TANC2: variants seen among roughly 807,000 people sequenced by gnomAD.
TANC2 encodes tetratricopeptide repeat, ankyrin repeat and coiled-coil containing 2.
Under a neutral mutation model 210.5 loss-of-function variants are expected in TANC2, and 26 were observed. That is an observed-to-expected ratio of 0.12 (90% CI 0.09 to 0.17). The LOEUF is 0.17. Ranked by LOEUF, TANC2 falls within the 10% of genes least tolerant of loss-of-function variation. The pLI is 1.00. For missense variants in TANC2, 2,129 were observed against 2,608.9 expected (o/e 0.82, Z 4.01); for synonymous variants, 931 against 967.1 (o/e 0.96, Z 0.69).
At chr17:63,118,412 C>T (rs969227817) in intron 4 of TANC2, among the ~76,000 whole-genome samples, 2 of 152,064 alleles carry the variant, frequency 1.3e-5, no homozygotes, top group Non-Finnish European at 2.9e-5. Flanking sequence ...ACTGACTTTT[C>T]TTAAAAGACT....
intron 5 of TANC2, among the ~76,000 whole-genome samples, chr17:63,164,446 G>A (rs988985146): frequency 2.6e-5 from 4 of 152,120 alleles, no homozygotes; most frequent in Non-Finnish European, 5.9e-5. Flanking sequence ...GGAAACTGAA[G>A]CTATAACTGC....
intron 2 of TANC2, among the ~76,000 whole-genome samples, chr17:63,040,709 C>A (rs961240605): frequency 2.0e-5 from 3 of 152,018 alleles, no homozygotes; most frequent in Non-Finnish European, 4.4e-5. Context: ...TTAAGTTATG[C>A]AGCATTTATC....
At chr17:63,119,444 TGTTA>T (rs2038377463) in intron 4 of TANC2, among the ~76,000 whole-genome samples, 1 of 152,234 alleles carries the variant, frequency 6.6e-6, no homozygotes, top group Non-Finnish European at 1.5e-5. Flanking sequence ...AGAATTAATA[TGTTA>T]AGGGATAATG....
intron 8 of TANC2, among the ~76,000 whole-genome samples, chr17:63,245,710 C>T (rs2146112679): frequency 6.6e-6 from 1 of 152,062 alleles, no homozygotes; most frequent in Middle Eastern, 3.4e-3. Context: ...GGCGTGGTGG[C>T]AGGGGCCTGT....
At chr17:62,980,610 C>T (rs915555145) in intron 1 of TANC2, among the ~76,000 whole-genome samples, 64 of 152,266 alleles carry the variant, frequency 4.2e-4, no homozygotes, top group African/African-American at 1.2e-3. Flanking sequence ...TTTATCTTAG[C>T]CATTCAACTC....
At chr17:63,184,996 G>T (rs1423485964) in intron 5 of TANC2, among the ~76,000 whole-genome samples, 5 of 150,550 alleles carry the variant, frequency 3.3e-5, no homozygotes, top group Admixed American at 6.6e-5. Context: ...TTGGAGGGGG[G>T]GTTGGGGACA....
chr17:63,265,331 C>G (rs1157626402), intron 8 of TANC2, among the ~76,000 whole-genome samples: 2 of 152,070 alleles, frequency 1.3e-5, no homozygotes, highest in African/African-American at 4.8e-5. Flanking sequence ...ACTTCTAGTC[C>G]CAGGTATTTC....
At chr17:62,984,686 TA>T (rs1331077391) in intron 1 of TANC2, among the ~76,000 whole-genome samples, 2 of 152,318 alleles carry the variant, frequency 1.3e-5, no homozygotes, top group African/African-American at 4.8e-5. Context: ...TAAGGAATTT[TA>T]AATTTTAATT....
chr17:63,234,344 AG>A (rs2042562084), intron 7 of TANC2, among the ~76,000 whole-genome samples: 1 of 152,212 alleles, frequency 6.6e-6, no homozygotes, highest in Non-Finnish European at 1.5e-5. Flanking sequence ...AAAAGTAGGC[AG>A]TTTCTTGGCT....
chr17:63,346,109 T>A (rs1317979712), intron 12 of TANC2, among the ~76,000 whole-genome samples: 2 of 152,178 alleles, frequency 1.3e-5, no homozygotes. Flanking sequence ...CTTCACACTA[T>A]ACACCAAAAT....
intron 14 of TANC2, among the ~76,000 whole-genome samples, chr17:63,369,845 T>C (rs2047213971): frequency 6.6e-6 from 1 of 152,030 alleles, no homozygotes; most frequent in African/African-American, 2.4e-5. Flanking sequence ...TCAAGTGATC[T>C]GCTCGCCTCA....
intron 8 of TANC2, among the ~76,000 whole-genome samples, chr17:63,250,572 TA>T (rs1041221160): frequency 6.6e-6 from 1 of 152,132 alleles, no homozygotes; most frequent in Non-Finnish European, 1.5e-5. Context: ...TCCTTCAAAA[TA>T]ACCCAGTAAG....
At chr17:62,970,167 C>A (rs930503686) in intron 1 of TANC2, among the ~76,000 whole-genome samples, 3 of 152,138 alleles carry the variant, frequency 2.0e-5, no homozygotes, top group Admixed American at 6.5e-5. Context: ...TATTGTGCTG[C>A]GAATTGCATA....
At chr17:63,263,447 T>A (rs2043429025) in intron 8 of TANC2, among the ~76,000 whole-genome samples, 1 of 152,208 alleles carries the variant, frequency 6.6e-6, no homozygotes, top group Admixed American at 6.5e-5. Flanking sequence ...TAAAAGTTGG[T>A]TCAAACACTT....
At chr17:63,388,973 T>C (rs1295377580) in intron 16 of TANC2, among the ~76,000 whole-genome samples, 1 of 152,216 alleles carries the variant, frequency 6.6e-6, no homozygotes, top group African/African-American at 2.4e-5. Flanking sequence ...CTCTGACATA[T>C]GGGATCAGGT....
At chr17:63,296,312 A>G (rs1189444086) in intron 9 of TANC2, among the ~76,000 whole-genome samples, 1 of 152,194 alleles carries the variant, frequency 6.6e-6, no homozygotes, top group Non-Finnish European at 1.5e-5. Context: ...GACCACTGAG[A>G]TAATAGAAGA....
intron 18 of TANC2, among the ~76,000 whole-genome samples, chr17:63,397,274 CAAAA>C (rs200832676): frequency 6.7e-6 from 1 of 148,638 alleles, no homozygotes; most frequent in Non-Finnish European, 1.5e-5. Flanking sequence ...AACTCCATCT[CAAAA>C]AAAAACAAAC....
chr17:63,094,525 T>G (rs1368692909), intron 3 of TANC2, among the ~76,000 whole-genome samples: 1 of 152,210 alleles, frequency 6.6e-6, no homozygotes, highest in African/African-American at 2.4e-5. Context: ...CAAGTGAACA[T>G]ATTATGCTAG....
chr17:63,105,591 A>G (rs1242328413), intron 4 of TANC2, among the ~76,000 whole-genome samples: 1 of 151,812 alleles, frequency 6.6e-6, no homozygotes, highest in East Asian at 1.9e-4. Flanking sequence ...GAATTGCTGC[A>G]AAGATTAAAT....
Sources: gnomAD v4.1 joint callset for allele counts (sites outside exome capture counted in the v4.1 genomes callset) on GRCh38, gnomAD v4.1.1 for gene constraint, MANE v1.5 for transcripts, NCBI Gene and HGNC (gene_info 2026-07-23, HGNC 2026-07-21) for gene names.